Variants in ROR2 observed in about 807,000 individuals in gnomAD.
ROR2 encodes ROR family WNT receptor 2.
In ROR2, 33 loss-of-function variants were observed where a neutral mutation model predicts 74.9. The ratio of observed to expected loss-of-function variants is 0.44; its 90% CI spans 0.33 to 0.59. The LOEUF is 0.59. Ranked by LOEUF, ROR2 falls within the 20% of genes least tolerant of loss-of-function variation. ROR2 has a pLI of 0.02. For synonymous variants in ROR2, 586 were observed against 558.7 expected (o/e 1.05, Z -0.69); for missense variants, 1,216 against 1,313.8 (o/e 0.93, Z 1.15).
chr9:91,736,991 A>C (rs147700398), intron 5 of ROR2, among the ~76,000 whole-genome samples: 282 of 152,296 alleles, frequency 1.9e-3, no homozygotes, highest in African/African-American at 6.3e-3. Context: ...CAGAGAGGAT[A>C]GAAGAGTCAG....
chr9:91,922,973 G>C (rs989140529), intron 1 of ROR2, among the ~76,000 whole-genome samples: 6 of 151,738 alleles, frequency 4.0e-5, no homozygotes, highest in African/African-American at 1.5e-4. Context: ...CTTCTGCTGG[G>C]CATGACCTCC....
intron 1 of ROR2, among the ~76,000 whole-genome samples, chr9:91,827,820 T>C (rs923992379): frequency 6.6e-6 from 1 of 152,258 alleles, no homozygotes; most frequent in Non-Finnish European, 1.5e-5. Context: ...ACTTTTAAAA[T>C]TGTTATAACA....
chr9:91,847,214 A>C (rs1009773059), intron 1 of ROR2, among the ~76,000 whole-genome samples: 1 of 152,146 alleles, frequency 6.6e-6, no homozygotes, highest in African/African-American at 2.4e-5. Context: ...GCAGGTCTGC[A>C]GACAGCACAG....
At chr9:91,830,693 A>AG (rs58247635) in intron 1 of ROR2, among the ~76,000 whole-genome samples, 68,411 of 151,910 alleles carry the variant, frequency 0.45, 17,045 homozygotes, top group African/African-American at 0.66. Context: ...CATTAAAAAG[A>AG]TAAGAAAGAA....
intron 1 of ROR2, among the ~76,000 whole-genome samples, chr9:91,792,552 C>T (rs56020365): frequency 0.052 from 7,892 of 152,250 alleles, 282 homozygotes; most frequent in Middle Eastern, 0.1. Flanking sequence ...TTGTGATCCG[C>T]CCACCTTGGC....
intron 5 of ROR2, 138 bp downstream of exon 5, chr9:91,737,253 C>G: frequency 8.7e-7 from 1 of 1,151,712 alleles, no homozygotes; most frequent in Non-Finnish European, 1.3e-6. Flanking sequence ...AAAAAGATCT[C>G]TGGTTTCTAC....
intron 1 of ROR2, among the ~76,000 whole-genome samples, chr9:91,915,965 G>A (rs1166747123): frequency 1.3e-5 from 2 of 152,218 alleles, no homozygotes; most frequent in Admixed American, 1.3e-4. Context: ...GCGAGGCAAA[G>A]ACCAAGTTCC....
intron 1 of ROR2, among the ~76,000 whole-genome samples, chr9:91,856,514 C>T (rs1327850060): frequency 6.6e-6 from 1 of 152,124 alleles, no homozygotes; most frequent in Admixed American, 6.5e-5. Flanking sequence ...GTGGGCCCTA[C>T]CCCAACCTGA....
rs527741083 is a variant in ROR2 at position 91,851,662 on chromosome 9, A to C, written c.98-75844T>G. ...ATTTTGGGAGAACAGATATCGTTAC[A>C]ATATTACTTTCCCGTTAACAATAGG... is the stretch of plus-strand genomic sequence containing the variant. On this transcript the variant is annotated intron_variant, in intron 1 of 8. Coordinates refer to ENST00000375708, the MANE Select transcript of ROR2 (RefSeq NM_004560.4). 3.9e-5 allele frequency among the ~76,000 whole-genome samples: 6 copies of C among 152,134 alleles called. No individual in the cohort carries two copies. In the East Asian group the frequency reaches 1.2e-3, roughly 30 times the overall value.
chr9:91,910,005 G>A (rs1398735285), intron 1 of ROR2, among the ~76,000 whole-genome samples: 2 of 151,488 alleles, frequency 1.3e-5, no homozygotes, highest in Non-Finnish European at 2.9e-5. Context: ...GGGACTACAG[G>A]CGCCCACCAC....
At chr9:91,911,047 A>G (rs906483330) in intron 1 of ROR2, among the ~76,000 whole-genome samples, 1 of 152,256 alleles carries the variant, frequency 6.6e-6, no homozygotes, top group African/African-American at 2.4e-5. Flanking sequence ...TTAGTCATTC[A>G]CTACAAATGA....
At chr9:91,863,895 G>C (rs1023919081) in intron 1 of ROR2, among the ~76,000 whole-genome samples, 8 of 152,166 alleles carry the variant, frequency 5.3e-5, no homozygotes, top group Non-Finnish European at 1.0e-4. Context: ...TGAACTGCAT[G>C]ATACATGAGT....
At chr9:91,734,281 C>T (rs886744025) in intron 5 of ROR2, among the ~76,000 whole-genome samples, 4 of 152,122 alleles carry the variant, frequency 2.6e-5, no homozygotes, top group African/African-American at 9.7e-5. Flanking sequence ...CCATTTTCAC[C>T]TGTGAAAGGC....
chr9:91,778,860 G>A (rs1826511842), intron 1 of ROR2, among the ~76,000 whole-genome samples: 1 of 152,172 alleles, frequency 6.6e-6, no homozygotes, highest in South Asian at 2.1e-4. Flanking sequence ...ATGAGTAGGG[G>A]AGTAGTGATT....
chr9:91,794,718 T>TA (rs929511462), intron 1 of ROR2, among the ~76,000 whole-genome samples: 46 of 148,702 alleles, frequency 3.1e-4, no homozygotes, highest in African/African-American at 3.9e-4. Context: ...CTTTTTCAAT[T>TA]AAAAAAAAAA....
intron 1 of ROR2, among the ~76,000 whole-genome samples, chr9:91,899,595 G>A (rs1482325784): frequency 6.6e-6 from 1 of 152,120 alleles, no homozygotes; most frequent in Admixed American, 6.5e-5. Flanking sequence ...CTGAGCAGGT[G>A]GGCAGGAGAG....
At chr9:91,808,503 C>A (rs1251393264) in intron 1 of ROR2, among the ~76,000 whole-genome samples, 5 of 151,216 alleles carry the variant, frequency 3.3e-5, no homozygotes, top group African/African-American at 4.9e-5. Flanking sequence ...GTGGCACATG[C>A]CACCCAGCTA....
rs146866887 is a variant in ROR2 at position 91,723,812 on chromosome 9, A to C, written c.2682T>G (p.Ala894=). Residue 894 remains alanine (A), a synonymous_variant, in exon 9 of 9, where the codon GCT becomes GCG. Coordinates refer to ENST00000375708, the MANE Select transcript of ROR2 (RefSeq NM_004560.4). ...CTTCTGGGGCGTTCTGTGTGTCATC[A>C]GCGCCCTCTGAGAGCAGGGCTGCCC... ...ADRAALLSEG[A]DDTQNAPEDG... The C allele has an allele frequency of 8.1e-6, 13 of 1,613,712 alleles. No homozygotes were observed. Among genetic ancestry groups the C allele is most frequent in the Admixed American group, 5.0e-5 (3 of 60,010 alleles).
chr9:91,887,859 A>G (rs1379546631), intron 1 of ROR2, among the ~76,000 whole-genome samples: 1 of 131,090 alleles, frequency 7.6e-6, no homozygotes, highest in Non-Finnish European at 1.5e-5. Context: ...TGGTGCCATC[A>G]CAACTCACTG....
Sources: allele counts gnomAD v4.1 joint callset (sites outside exome capture counted in the v4.1 genomes callset), GRCh38; gene constraint gnomAD v4.1.1; transcripts MANE v1.5; gene names NCBI Gene and HGNC (gene_info 2026-07-23, HGNC 2026-07-21).